Variants in WNT10A observed in about 807,000 individuals in gnomAD.
WNT10A encodes the protein Wnt family member 10A.
WNT10A carries 37 observed loss-of-function variants against 36.1 expected under a neutral mutation model. The ratio of observed to expected loss-of-function variants is 1.02; its 90% CI spans 0.79 to 1.35. WNT10A has a LOEUF of 1.35. Among genes scored for constraint, WNT10A ranks in the 40% most tolerant of loss-of-function variants. WNT10A has a pLI of 0.00. For missense variants in WNT10A, 613 were observed against 601.4 expected, an observed-to-expected ratio of 1.02 and a Z score of -0.20; for synonymous variants, 255 against 254.1, an observed-to-expected ratio of 1.00 and a Z score of -0.03.
In WNT10A at chr2:218,890,243, C is replaced by T. The variant is rs200233504; in HGVS notation, c.636C>T (p.Gly212=). The change falls in exon 3 of 4, where the codon GGC becomes GGT. Residue 212 remains glycine (G), a synonymous_variant. Coordinates refer to ENST00000258411, the MANE Select transcript of WNT10A (RefSeq NM_025216.3). The part of the protein sequence containing the change: ...SPGLQDSWEW[G]GCSPDMGFGE... ...GCCTGCAGGACTCCTGGGAGTGGGG[C>T]GGCTGCAGCCCCGACATGGGCTTCG... 76 of 1,613,584 alleles carry T rather than the reference C, an allele frequency of 4.7e-5. No individual in the cohort carries two copies. Among genetic ancestry groups the T allele is most frequent in the East Asian group, 1.1e-4 (5 of 44,884 alleles).
At chr2:218,882,041 T>C (rs948918564) in intron 1 of WNT10A, 120 bp from the exon 2 acceptor site, 1 of 1,375,204 alleles carries the variant, frequency 7.3e-7, no homozygotes, top group African/African-American at 1.4e-5. Flanking sequence ...GGGCCCAACC[T>C]TCAGAAGCAG....
chr2:218,875,296 C>G, the WNT10A span, among the ~76,000 whole-genome samples: 2 of 147,744 alleles, frequency 1.4e-5, no homozygotes, highest in Non-Finnish European at 3.0e-5. Context: ...TCATGCCATT[C>G]TCCTGCCTCA....
Position 218,892,657 on chromosome 2 carries a change from G to T in WNT10A, c.757-117G>T, listed in dbSNP as rs1050936097. ...GCCTGGTTGTGGGACCCTCGCTCCC[G>T]GCCTCAGCGTTTGCCTCTGTATAAT... On this transcript the variant is annotated intron_variant, in intron 3 of 3. Coordinates refer to ENST00000258411, the MANE Select transcript of WNT10A (RefSeq NM_025216.3). 3 of 1,473,878 alleles carry T rather than the reference G, an allele frequency of 2.0e-6. No individual in the cohort carries two copies. In the Admixed American group the frequency reaches 6.3e-5, roughly 31 times the overall value. 91.3% of individuals were successfully genotyped at this position (1,473,878 alleles called of 1,614,324 possible).
At chr2:218,887,364 G>C (rs1367293943) in intron 2 of WNT10A, among the ~76,000 whole-genome samples, 1 of 152,048 alleles carries the variant, frequency 6.6e-6, no homozygotes, top group Non-Finnish European at 1.5e-5. Flanking sequence ...ATGACTCCCC[G>C]GCAATAAGAG....
chr2:218,892,303 CCACACACACACA>C (rs60385784), intron 3 of WNT10A, among the ~76,000 whole-genome samples: 11,766 of 100,910 alleles, frequency 0.12, 918 homozygotes, highest in African/African-American at 0.13. Flanking sequence ...ACCCACCCCA[CCACACACACACA>C]CACACACACA....
chr2:218,893,108 A>G lies in WNT10A; in HGVS notation c.1091A>G (p.Lys364Arg). ...SAGTVGRLCN[K>R]SSAGSDGCGS... ...GGCACCGTGGGCCGCCTGTGCAACA[A>G]GAGCAGCGCCGGCTCGGATGGCTGC... Residue 364 changes from lysine to arginine, a missense_variant, in exon 4 of 4, where the codon AAG becomes AGG. Transcript: ENST00000258411. This position sits in a 1 kb window ranked among gnomAD's most constrained non-coding sequence, Gnocchi z 6.3. 1 of 1,596,128 alleles carries G rather than the reference A, an allele frequency of 6.3e-7. No individual in the cohort carries two copies. Among genetic ancestry groups the G allele is most frequent in the Non-Finnish European group, 8.5e-7 (1 of 1,178,824 alleles).
At chr2:218,887,486 T>C (rs1944592021) in intron 2 of WNT10A, among the ~76,000 whole-genome samples, 1 of 152,182 alleles carries the variant, frequency 6.6e-6, no homozygotes. Context: ...GGGCAGTTTC[T>C]ACTCCTCTGC....
intron 3 of WNT10A, 152 bp downstream of exon 3, chr2:218,890,515 CTG>C: frequency 6.0e-6 from 7 of 1,173,538 alleles, no homozygotes; most frequent in Middle Eastern, 2.4e-4. Flanking sequence ...CAAACATGCA[CTG>C]AGTATGCACT....
chr2:218,875,457 T>A, the WNT10A span, among the ~76,000 whole-genome samples: 2 of 152,168 alleles, frequency 1.3e-5, no homozygotes, highest in Non-Finnish European at 2.9e-5. Flanking sequence ...CCCAAAGTGC[T>A]GGGATTACAG....
At chr2:218,876,199 G>C (rs1559410599), upstream of WNT10A, among the ~76,000 whole-genome samples, 1 of 152,206 alleles carries the variant, frequency 6.6e-6, no homozygotes, top group Non-Finnish European at 1.5e-5. Context: ...GCTTAGTTCA[G>C]CTTGGTCATT....
chr2:218,882,263 G>A lies in WNT10A; in HGVS notation c.216G>A (p.Met72Ile), dbSNP rs373607885. 2 of 1,614,068 alleles carry A rather than the reference G, an allele frequency of 1.2e-6. No homozygotes were observed. Among genetic ancestry groups the A allele is most frequent in the Non-Finnish European group, 1.7e-6 (2 of 1,180,036 alleles). ...TGCCAGGCCTGAGCCGGCGGCAGAT[G>A]GAGGTGTGTGTGCGTCACCCTGATG... ...LTLPGLSRRQ[M>I]EVCVRHPDVA... is the part of the protein sequence containing the mutation. The change falls in exon 2 of 4, where the codon ATG becomes ATA. Residue 72 changes from methionine to isoleucine, a missense_variant. Met to Ile is a conservative substitution (Grantham distance 10, BLOSUM62 1). Transcript: ENST00000258411.
Position 218,892,838 on chromosome 2 carries a change from A to G in WNT10A, c.821A>G (p.Lys274Arg). The G allele has an allele frequency of 1.3e-6, 2 of 1,594,880 alleles. No individual in the cohort carries two copies. Among genetic ancestry groups the G allele is most frequent in the Admixed American group, 3.4e-5 (2 of 58,226 alleles). The change falls in exon 4 of 4, where the codon AAG becomes AGG. Residue 274 changes from lysine to arginine, a missense_variant. Physicochemically the swap from Lys to Arg is conservative, Grantham distance 26 (BLOSUM62 2). Coordinates refer to ENST00000258411, the MANE Select transcript of WNT10A (RefSeq NM_025216.3). ...CHGTSGSCQL[K>R]TCWQVTPEFR... ...GGCACGTCAGGCAGCTGCCAGCTCA[A>G]GACGTGCTGGCAGGTGACGCCCGAG...
upstream of WNT10A, among the ~76,000 whole-genome samples, chr2:218,878,547 A>G (rs1167303290): frequency 6.6e-6 from 1 of 152,136 alleles, no homozygotes. The surrounding 1 kb of genome is among the most constrained non-coding windows in gnomAD (Gnocchi z 4.1). Flanking sequence ...AGCGTTTCCC[A>G]AAAGGAGTCC....
At chr2:218,880,638 G>A (rs886055635), upstream of WNT10A, 1 of 239,800 alleles carries the variant, frequency 4.2e-6, no homozygotes, top group Non-Finnish European at 8.0e-6. This position sits in a 1 kb window ranked among gnomAD's most constrained non-coding sequence, Gnocchi z 7.7. Context: ...CTGCGCTGGA[G>A]GGTTCCCCGG....
upstream of WNT10A, among the ~76,000 whole-genome samples, chr2:218,877,866 C>T (rs1329479770): frequency 2.6e-5 from 4 of 152,154 alleles, no homozygotes; most frequent in South Asian, 2.1e-4. This position sits in a 1 kb window ranked among gnomAD's most constrained non-coding sequence, Gnocchi z 4.1. Context: ...GGCTCCTTGG[C>T]GTTCTTCTTC....
At chr2:218,880,181 C>A (rs769365573), upstream of WNT10A, among the ~76,000 whole-genome samples, 1 of 152,206 alleles carries the variant, frequency 6.6e-6, no homozygotes, top group East Asian at 1.9e-4. The surrounding 1 kb of genome is among the most constrained non-coding windows in gnomAD (Gnocchi z 7.7). Flanking sequence ...GCCAGCCCCT[C>A]CCCTCCAGCC....
upstream of WNT10A, chr2:218,880,462 G>A (rs1475695040): frequency 6.9e-6 from 1 of 144,834 alleles, no homozygotes; most frequent in Non-Finnish European, 1.5e-5. The surrounding 1 kb of genome is among the most constrained non-coding windows in gnomAD (Gnocchi z 7.7). Context: ...ACGTGGGGTA[G>A]AGCCCTGAGA....
chr2:218,875,878 C>T (rs1944449351), upstream of WNT10A, among the ~76,000 whole-genome samples: 1 of 152,198 alleles, frequency 6.6e-6, no homozygotes, highest in Non-Finnish European at 1.5e-5. Flanking sequence ...AATGAAGATA[C>T]CTGACTTTTA....
chr2:218,874,162 C>A, the WNT10A span: 1 of 352,544 alleles, frequency 2.8e-6, no homozygotes, highest in Non-Finnish European at 5.0e-6. Context: ...CCTCTGGATA[C>A]TGGGCTCCCC....
Sources: allele counts gnomAD v4.1 joint callset (sites outside exome capture counted in the v4.1 genomes callset), GRCh38; gene constraint gnomAD v4.1.1; non-coding constraint Gnocchi (gnomAD v3.1); transcripts MANE v1.5; gene names NCBI Gene and HGNC (gene_info 2026-07-23, HGNC 2026-07-21).